NRXN2: variants seen among roughly 807,000 people sequenced by gnomAD.
The protein encoded by NRXN2 is neurexin 2, also known as neurexin-2-beta.
Under a neutral mutation model 128.8 loss-of-function variants are expected in NRXN2, and 29 were observed. The ratio of observed to expected loss-of-function variants is 0.23; its 90% CI spans 0.17 to 0.31. The LOEUF is 0.31. Ranked by LOEUF, NRXN2 falls within the 10% of genes least tolerant of loss-of-function variation. The probability of loss-of-function intolerance (pLI) is 1.00; values close to 1 mark genes in which losing one functional copy is unlikely to be tolerated. For synonymous variants in NRXN2, 1,098 were observed against 1,075.2 expected (o/e 1.02, Z -0.41); for missense variants, 1,881 against 2,452.6 (o/e 0.77, Z 4.92).
At chr11:64,696,528 T>TATACAC (rs1555100785) in intron 3 of NRXN2, among the ~76,000 whole-genome samples, 3 of 138,772 alleles carry the variant, frequency 2.2e-5, no homozygotes. Context: ...CATACATACA[T>TATACAC]ACACACACAC....
intron 3 of NRXN2, among the ~76,000 whole-genome samples, chr11:64,694,682 G>A (rs575953840): frequency 1.3e-5 from 2 of 152,208 alleles, no homozygotes; most frequent in South Asian, 4.1e-4. Context: ...TCCTTACTCT[G>A]AATACCCTCC....
chr11:64,637,836 A>T (rs2044992458), intron 17 of NRXN2, among the ~76,000 whole-genome samples: 1 of 152,110 alleles, frequency 6.6e-6, no homozygotes, highest in Non-Finnish European at 1.5e-5. Context: ...CAGCAAGCAC[A>T]TCACCATGGA....
rs561072133 is a variant in NRXN2 at position 64,720,432 on chromosome 11, G to A, written c.-245+2539C>T. On this transcript the variant is annotated intron_variant, in intron 1 of 22. Transcript: ENST00000265459. ...AAAGGACAGTGTCTCCAGTGCACAG[G>A]CAGGTGTAGGGGCCCTTGTGCCTGA... Among the ~76,000 whole-genome samples, 6 of 152,308 alleles carry A rather than the reference G, an allele frequency of 3.9e-5. No individual in the cohort carries two copies. In the South Asian group the frequency reaches 1.0e-3, roughly 26 times the overall value.
At chr11:64,706,974 C>T (rs1326370607) in intron 2 of NRXN2, among the ~76,000 whole-genome samples, 1 of 137,812 alleles carries the variant, frequency 7.3e-6, no homozygotes, top group Non-Finnish European at 1.5e-5. Flanking sequence ...TTTTTTGAGA[C>T]AGAGTCTTGC....
chr11:64,654,043 G>T (rs1435565651), intron 11 of NRXN2, among the ~76,000 whole-genome samples: 1 of 152,190 alleles, frequency 6.6e-6, no homozygotes, highest in African/African-American at 2.4e-5. Context: ...GGGAATCCCA[G>T]TCGTACAGGG....
At chr11:64,720,967 G>C (rs1468093769) in intron 1 of NRXN2, among the ~76,000 whole-genome samples, 1 of 152,124 alleles carries the variant, frequency 6.6e-6, no homozygotes. Context: ...CCAAGGGTGA[G>C]GGCTGGCAGT....
intron 7 of NRXN2, among the ~76,000 whole-genome samples, chr11:64,673,353 C>T (rs1292814280): frequency 6.6e-6 from 1 of 152,152 alleles, no homozygotes; most frequent in Non-Finnish European, 1.5e-5. Context: ...ACCCTCTCCC[C>T]CAAGAAGAAG....
rs754091959 is a variant in NRXN2 at position 64,608,039 on chromosome 11, G to T, written c.4296C>A (p.Asp1432Glu). The change falls in exon 23 of 23, where the codon GAC (aspartate) becomes GAA (glutamate). Residue 1432 changes from aspartate to glutamate, a missense_variant. Coordinates refer to ENST00000265459, the MANE Select transcript of NRXN2 (RefSeq NM_015080.4). ...ILPIITEDSL[D>E]PPPVATRSPF... ...GGGATCGGGTGGCCACGGGAGGGGG[G>T]TCTAAGGAGTCCTCCGTGATAATGG... 2.8e-5 allele frequency: 44 copies of T among 1,575,024 alleles called. No homozygotes were observed. Among genetic ancestry groups the T allele is most frequent in the Middle Eastern group, 2.1e-4 (1 of 4,658 alleles).
chr11:64,665,567 G>A (rs907115352), intron 9 of NRXN2, among the ~76,000 whole-genome samples: 1 of 152,246 alleles, frequency 6.6e-6, no homozygotes, highest in Non-Finnish European at 1.5e-5. Context: ...CCCCGGGGAT[G>A]AAACCATTTA....
At chr11:64,613,495 G>C (rs1175502515) in intron 22 of NRXN2, among the ~76,000 whole-genome samples, 1 of 152,202 alleles carries the variant, frequency 6.6e-6, no homozygotes, top group Non-Finnish European at 1.5e-5. Flanking sequence ...CTGAGTAGTG[G>C]GCACTGCCCG....
chr11:64,636,107 G>C (rs922120309), intron 17 of NRXN2, among the ~76,000 whole-genome samples: 1 of 152,068 alleles, frequency 6.6e-6, no homozygotes, highest in African/African-American at 2.4e-5. Flanking sequence ...CATGAGGTGG[G>C]GGTGGGGGAG....
intron 6 of NRXN2, among the ~76,000 whole-genome samples, chr11:64,682,619 G>A (rs1001698106): frequency 6.6e-6 from 1 of 152,252 alleles, no homozygotes; most frequent in African/African-American, 2.4e-5. Flanking sequence ...GCAGGAGGAA[G>A]CACCATGTGA....
chr11:64,662,556 T>C (rs968414810), intron 9 of NRXN2, among the ~76,000 whole-genome samples: 2 of 151,150 alleles, frequency 1.3e-5, no homozygotes, highest in African/African-American at 2.4e-5. Context: ...CCGAGGCGGG[T>C]GGATCACAAG....
chr11:64,607,488 C>A lies in NRXN2; in HGVS notation c.4847G>T (p.Gly1616Val), dbSNP rs377164316. Residue 1616 changes from glycine to valine, a missense_variant, in exon 23 of 23, where the codon GGG (glycine) becomes GTG (valine). Gly to Val is a moderately radical substitution (Grantham distance 109, BLOSUM62 -3). Coordinates refer to ENST00000265459, the MANE Select transcript of NRXN2 (RefSeq NM_015080.4). ...GCCCGGCGGGCCCCGCTCCCCAGGC[C>A]CTGTGGGGTTGGCTGTGGGCAGATG... ...FPHLPTANPT[G>V]PGERGPPGAV... The A allele has an allele frequency of 5.3e-4, 856 of 1,603,352 alleles. 1 individual carries two copies. The highest frequency in any genetic ancestry group is 7.0e-4 in the Non-Finnish European group (825 of 1,177,132).
At chr11:64,654,443 G>A (rs902415903) in intron 11 of NRXN2, among the ~76,000 whole-genome samples, 1 of 152,310 alleles carries the variant, frequency 6.6e-6, no homozygotes, top group African/African-American at 2.4e-5. Context: ...TAGAGACAGT[G>A]CAGCCCCCAA....
In NRXN2 at chr11:64,606,853, C is replaced by A. The variant is rs2039711992; in HGVS notation, c.*343G>T. On this transcript the variant is annotated 3_prime_UTR_variant, in exon 23 of 23. Transcript: ENST00000265459. ...AAATTAACAGGACGAGCAGTGGACACTTTACAAAACCCCCAGCCTTCCTTC... is the reference window on the plus strand; with the variant it reads ...AAATTAACAGGACGAGCAGTGGACAATTTACAAAACCCCCAGCCTTCCTTC... 1 of 302,054 alleles carries A rather than the reference C, an allele frequency of 3.3e-6. No individual in the cohort carries two copies. The allele number at this position is 302,054 out of a possible 1,614,324, so 18.7% of individuals were successfully genotyped here.
Position 64,652,018 on chromosome 11 carries a change from G to T in NRXN2, c.2536+17C>A. ...TCACTGGAGATGTGTCCACCTCCCTGGGCCCAGACCACCTACCCTCCACAG... is the reference window on the plus strand; with the variant it reads ...TCACTGGAGATGTGTCCACCTCCCTTGGCCCAGACCACCTACCCTCCACAG... On this transcript the variant is annotated intron_variant, in intron 13 of 22. Transcript: ENST00000265459. 1.2e-6 allele frequency: 2 copies of T among 1,609,560 alleles called. No individual in the cohort carries two copies. Among genetic ancestry groups the T allele is most frequent in the Non-Finnish European group, 1.7e-6 (2 of 1,179,926 alleles).
intron 6 of NRXN2, among the ~76,000 whole-genome samples, chr11:64,679,487 A>C (rs553934367): frequency 1.1e-3 from 171 of 152,116 alleles, no homozygotes; most frequent in African/African-American, 4.0e-3. Context: ...AATACAAAAA[A>C]TTAGCCAGGC....
rs551585047 is a variant in NRXN2 at position 64,626,129 on chromosome 11, C to T, written c.3847+334G>A. ...AGGGAACCTACCTCCAAGCTGCATT[C>T]CCAGCCTGCTTGTGATTTACTGCCG... is the stretch of plus-strand genomic sequence containing the variant. On this transcript the variant is annotated intron_variant, in intron 20 of 22. Coordinates refer to ENST00000265459, the MANE Select transcript of NRXN2 (RefSeq NM_015080.4). Among the ~76,000 whole-genome samples the T allele has an allele frequency of 7.4e-4, 112 of 152,270 alleles. 1 individual carries two copies. The highest frequency in any genetic ancestry group is 5.0e-4 in the Non-Finnish European group (34 of 68,022).
Sources: gnomAD v4.1 joint callset for allele counts (sites outside exome capture counted in the v4.1 genomes callset) on GRCh38, gnomAD v4.1.1 for gene constraint, MANE v1.5 for transcripts, NCBI Gene and HGNC (gene_info 2026-07-23, HGNC 2026-07-21) for gene names.